CDH18: variants seen among roughly 807,000 people sequenced by gnomAD.
The protein encoded by CDH18 is cadherin 18, also known as cadherin-18.
CDH18 carries 31 observed loss-of-function variants against 67.9 expected under a neutral mutation model. That is an observed-to-expected ratio of 0.46 (90% confidence interval 0.34 to 0.62). The LOEUF is 0.62. Ranked by LOEUF, CDH18 falls within the 20% of genes least tolerant of loss-of-function variation. The probability of loss-of-function intolerance (pLI) is 0.01; values close to 1 mark genes in which losing one functional copy is unlikely to be tolerated. For synonymous variants in CDH18, 362 were observed against 347.2 expected, an observed-to-expected ratio of 1.04 and a Z score of -0.48; for missense variants, 890 against 975.5, an observed-to-expected ratio of 0.91 and a Z score of 1.17.
chr5:19,531,842 G>A lies in CDH18; in HGVS notation c.1391-11064C>T, dbSNP rs187077106. Among the ~76,000 whole-genome samples, 16 of 152,198 alleles carry A rather than the reference G, an allele frequency of 1.1e-4. No individual in the cohort carries two copies. In the East Asian group the frequency reaches 2.1e-3, roughly 20 times the overall value. ...ACTCATAAGCTTGACTCATAAACTTGACTCATTAACGCAAAAGCTTCCTGA... is the reference window on the plus strand; with the variant it reads ...ACTCATAAGCTTGACTCATAAACTTAACTCATTAACGCAAAAGCTTCCTGA... On this transcript the variant is annotated intron_variant, in intron 9 of 12. Coordinates refer to ENST00000382275, the MANE Select transcript of CDH18 (RefSeq NM_004934.5).
At chr5:20,340,322 G>T (rs1459303346) in intron 1 of CDH18, among the ~76,000 whole-genome samples, 1 of 152,250 alleles carries the variant, frequency 6.6e-6, no homozygotes, top group South Asian at 2.1e-4. Context: ...CCTGAAGGTG[G>T]CCACCTCGTC....
intron 2 of CDH18, among the ~76,000 whole-genome samples, chr5:20,172,671 G>C (rs1235470654): frequency 6.6e-6 from 1 of 151,872 alleles, no homozygotes; most frequent in East Asian, 1.9e-4. Flanking sequence ...ATATGAAGCA[G>C]GATTATAAGT....
At chr5:19,851,533 T>C (rs895205147) in intron 2 of CDH18, among the ~76,000 whole-genome samples, 4 of 151,226 alleles carry the variant, frequency 2.6e-5, no homozygotes, top group African/African-American at 9.7e-5. Flanking sequence ...TTAACAGTTG[T>C]ATCAACAAGC....
intron 3 of CDH18, among the ~76,000 whole-genome samples, chr5:19,751,821 G>A (rs551065485): frequency 2.0e-5 from 3 of 152,280 alleles, no homozygotes; most frequent in South Asian, 2.1e-4. Context: ...AATCCATCAA[G>A]GTGGATGGGA....
At chr5:19,920,663 G>A (rs112089136) in intron 2 of CDH18, among the ~76,000 whole-genome samples, 5,380 of 151,446 alleles carry the variant, frequency 0.036, 324 homozygotes, top group East Asian at 0.25. Flanking sequence ...ACAGATGCCC[G>A]CCATCATGCC....
chr5:20,346,538 G>A (rs945678247), intron 1 of CDH18, among the ~76,000 whole-genome samples: 1 of 152,100 alleles, frequency 6.6e-6, no homozygotes, highest in African/African-American at 2.4e-5. Flanking sequence ...TATCTTTTAT[G>A]CATCTCAGGG....
intron 2 of CDH18, among the ~76,000 whole-genome samples, chr5:20,119,721 C>A (rs1223078102): frequency 6.6e-6 from 1 of 152,050 alleles, no homozygotes. Flanking sequence ...TGCCAGGCAC[C>A]GAGCTTGGTG....
At chr5:20,354,976 G>A (rs532126944) in intron 1 of CDH18, among the ~76,000 whole-genome samples, 1 of 152,160 alleles carries the variant, frequency 6.6e-6, no homozygotes, top group East Asian at 1.9e-4. Flanking sequence ...TTTACTACGA[G>A]GGCCAATTAC....
In CDH18 at chr5:20,557,845, T is replaced by TGTTATATAACATTTAATGTTATA. The variant is rs1757986277; in HGVS notation, c.-580+17594_-580+17616dup. ...TGTTACATAACATTAAATGTAACATTGTTATATAACATTTAATGTTATAGT... is the reference window on the plus strand; with the variant it reads ...TGTTACATAACATTAAATGTAACATTGTTATATAACATTTAATGTTATAGTTATATAACATTTAATGTTATAGT... On this transcript the variant is annotated intron_variant, in intron 1 of 14. Coordinates refer to the CDH18 transcript ENST00000507958. 2.6e-3 allele frequency among the ~76,000 whole-genome samples: 368 copies of TGTTATATAACATTTAATGTTATA among 141,238 alleles called. 33 individuals carry two copies. The highest frequency in any genetic ancestry group is 8.9e-3 in the African/African-American group (331 of 37,368). The allele number at this position is 141,238 out of a possible 152,430, so 92.7% of individuals were successfully genotyped here.
chr5:19,748,427 G>A (rs1770416760), intron 3 of CDH18, among the ~76,000 whole-genome samples: 2 of 152,040 alleles, frequency 1.3e-5, no homozygotes. Flanking sequence ...TAAAGATTCT[G>A]CTATAACACC....
rs182836129 is a variant in CDH18, at chr5:20,061,376, A to G, written c.-517-69362T>C. ...AAAGTATAATTCCTTTCAACTTAAA[A>G]TTACAGAATATTTACTGAATACACA... On this transcript the variant is annotated intron_variant, in intron 2 of 14. Coordinates refer to the CDH18 transcript ENST00000507958. 9.2e-5 allele frequency among the ~76,000 whole-genome samples: 14 copies of G among 152,286 alleles called. 1 individual carries two copies. The East Asian group carries it at 2.5e-3, about 27-fold the overall frequency.
intron 1 of CDH18, among the ~76,000 whole-genome samples, chr5:20,274,887 G>C (rs2126677092): frequency 6.6e-6 from 1 of 152,132 alleles, no homozygotes; most frequent in South Asian, 2.1e-4. Context: ...ACTTTGCATT[G>C]TGATGGCCTG....
At chr5:20,403,111 A>G (rs1016995419) in intron 1 of CDH18, among the ~76,000 whole-genome samples, 1 of 152,114 alleles carries the variant, frequency 6.6e-6, no homozygotes, top group South Asian at 2.1e-4. Context: ...TGAACCCAAG[A>G]GGCAGAGGTT....
At chr5:19,615,469 A>G (rs1343469259) in intron 5 of CDH18, among the ~76,000 whole-genome samples, 1 of 152,164 alleles carries the variant, frequency 6.6e-6, no homozygotes, top group Non-Finnish European at 1.5e-5. Flanking sequence ...TACTTCCTCC[A>G]TGAGCACAGC....
intron 5 of CDH18, among the ~76,000 whole-genome samples, chr5:19,648,232 T>C (rs577197660): frequency 6.6e-6 from 1 of 151,972 alleles, no homozygotes; most frequent in Non-Finnish European, 1.5e-5. Flanking sequence ...CTGGCCAACA[T>C]GTTGAAAAAC....
chr5:20,278,399 G>C lies in CDH18; in HGVS notation c.-579-22894C>G, dbSNP rs142004285. ...AAGGAAAAAAAAAATCCCAGAATAGGATATGCAGCAAAAATATCCTTCAAA... is the reference window on the plus strand; with the variant it reads ...AAGGAAAAAAAAAATCCCAGAATAGCATATGCAGCAAAAATATCCTTCAAA... On this transcript the variant is annotated intron_variant, in intron 1 of 14. Transcript: ENST00000507958. Among the ~76,000 whole-genome samples, 162 of 151,888 alleles carry C rather than the reference G, an allele frequency of 1.1e-3. 1 individual carries two copies. The highest frequency in any genetic ancestry group is 3.8e-3 in the African/African-American group (158 of 41,426).
intron 5 of CDH18, among the ~76,000 whole-genome samples, chr5:19,626,480 A>C (rs1473130086): frequency 6.6e-6 from 1 of 151,986 alleles, no homozygotes; most frequent in Non-Finnish European, 1.5e-5. Flanking sequence ...TATCCTGAGC[A>C]CTATAAACAG....
intron 10 of CDH18, among the ~76,000 whole-genome samples, chr5:19,517,767 T>C (rs1746262269): frequency 1.3e-5 from 2 of 152,084 alleles, no homozygotes; most frequent in South Asian, 4.1e-4. Context: ...CTCTCTCATA[T>C]GCCTCTCAGA....
intron 2 of CDH18, among the ~76,000 whole-genome samples, chr5:20,196,133 T>C (rs756350770): frequency 6.6e-6 from 1 of 152,098 alleles, no homozygotes; most frequent in East Asian, 1.9e-4. Context: ...AGGCAGGGTG[T>C]TGTTTCTGCA....
Sources: allele counts gnomAD v4.1 joint callset (sites outside exome capture counted in the v4.1 genomes callset), GRCh38; gene constraint gnomAD v4.1.1; transcripts MANE v1.5; gene names NCBI Gene and HGNC (gene_info 2026-07-23, HGNC 2026-07-21).